The following CHPF variants were observed in gnomAD, a reference collection of about 807,000 sequenced individuals.
The protein encoded by CHPF is chondroitin polymerizing factor.
A neutral mutation model predicts 55.1 loss-of-function variants in CHPF; 34 were observed. The ratio of observed to expected loss-of-function variants is 0.62; its 90% CI spans 0.47 to 0.82. The LOEUF (loss-of-function observed/expected upper bound fraction) is 0.82, where lower values mean the gene tolerates loss of function less well. Ranked by LOEUF, CHPF falls within the 40% of genes least tolerant of loss-of-function variation. The pLI is 0.00. For missense variants in CHPF, 961 were observed against 1,106.1 expected, an observed-to-expected ratio of 0.87 and a Z score of 1.86; for synonymous variants, 489 against 496.6, an observed-to-expected ratio of 0.98 and a Z score of 0.20.
intron 2 of CHPF, 112 bp downstream of exon 2, chr2:219,541,504 T>C: frequency 2.3e-6 from 2 of 851,428 alleles, no homozygotes; most frequent in Non-Finnish European, 3.5e-6. Context: ...AGATAGAAAA[T>C]AAATGTCCGA....
At chr2:219,543,101 G>C in intron 1 of CHPF, 124 bp downstream of exon 1, 1 of 1,361,832 alleles carries the variant, frequency 7.3e-7, no homozygotes, top group Non-Finnish European at 9.4e-7. Context: ...GGAAGTTATC[G>C]GGGCCCAAAG....
chr2:219,541,125 CCT>C lies in CHPF; in HGVS notation c.889-2_889-1del. ...AGCTCCAGATGGCTATAGTGCACCC[CCT>C]GGGGAGAGGAAGGGAAGGGATCTGT... On this transcript the variant is annotated splice_acceptor_variant, in intron 2 of 3. Transcript: ENST00000243776. LOFTEE classifies it high-confidence loss of function. 6.3e-7 allele frequency: 1 copy of C among 1,583,650 alleles called. No homozygotes were observed. Among genetic ancestry groups the C allele is most frequent in the Non-Finnish European group, 8.6e-7 (1 of 1,167,290 alleles).
At position 219,542,030 on chromosome 2, in the gene CHPF, C is replaced by T; in HGVS notation, c.474G>A (p.Arg158=). The change falls in exon 2 of 4, where the codon CGG becomes CGA. Residue 158 remains arginine (R), a synonymous_variant. Transcript: ENST00000243776. ...TCACCACTGCCATGCCAGGTGGGGCCCGGCGGCCCCGTGCGCCCGTCAGGA... is the reference window on the plus strand; with the variant it reads ...TCACCACTGCCATGCCAGGTGGGGCTCGGCGGCCCCGTGCGCCCGTCAGGA... ...VVFLTGARGR[R]APPGMAVVTL... is the part of the protein sequence containing the mutation. 1.3e-6 allele frequency: 2 copies of T among 1,591,694 alleles called. No individual in the cohort carries two copies. The highest frequency in any genetic ancestry group is 2.2e-5 in the South Asian group (2 of 89,010).
At position 219,543,649 on chromosome 2, in the gene CHPF, G is replaced by A; in HGVS notation, c.-111C>T. 1 of 826,038 alleles carries A rather than the reference G, an allele frequency of 1.2e-6. No individual in the cohort carries two copies. Among genetic ancestry groups the A allele is most frequent in the Non-Finnish European group, 1.7e-6 (1 of 602,786 alleles). 51.2% of individuals were successfully genotyped at this position (826,038 alleles called of 1,614,324 possible). ...GGATCCGGAGGGCTCGGGCCCCGCGGGCGGGCCCGCTCCCTCCCCGCAGAG... is the reference window on the plus strand; with the variant it reads ...GGATCCGGAGGGCTCGGGCCCCGCGAGCGGGCCCGCTCCCTCCCCGCAGAG... On this transcript the variant is annotated 5_prime_UTR_variant, in exon 1 of 4. Coordinates refer to ENST00000243776, the MANE Select transcript of CHPF (RefSeq NM_024536.6).
Position 219,543,746 on chromosome 2 carries a change from G to A in CHPF, c.-208C>T, listed in dbSNP as rs1695329396. The A allele has an allele frequency of 2.2e-6, 1 of 453,142 alleles. No individual in the cohort carries two copies. The highest frequency in any genetic ancestry group is 4.1e-5 in the Admixed American group (1 of 24,614). 28.1% of individuals were successfully genotyped at this position (453,142 alleles called of 1,614,324 possible). ...CCCTCCAGCAGCTGCTCTGGGCTGC[G>A]CAGGGTTCTTGCGCTCGGCACTGGA... On this transcript the variant is annotated 5_prime_UTR_variant, in exon 1 of 4. Transcript: ENST00000243776.
chr2:219,542,313 G>A (rs1055545116), intron 1 of CHPF, 124 bp from the exon 2 acceptor site: 5 of 718,270 alleles, frequency 7.0e-6, no homozygotes, highest in African/African-American at 1.8e-5. Flanking sequence ...CTATGAATAG[G>A]TTAAAAATAA....
chr2:219,541,402 T>A, intron 2 of CHPF: 1 of 556,150 alleles, frequency 1.8e-6, no homozygotes, highest in Non-Finnish European at 3.1e-6. Flanking sequence ...TTTTTTCTAA[T>A]CCTTGTAACA....
intron 1 of CHPF, among the ~76,000 whole-genome samples, chr2:219,542,685 T>C (rs1695302610): frequency 6.6e-6 from 1 of 152,208 alleles, no homozygotes; most frequent in African/African-American, 2.4e-5. Context: ...ACTCAGGGGC[T>C]CTAGGAACTT....
At position 219,542,151 on chromosome 2, in the gene CHPF, C is replaced by G. The variant is rs1270980418; in HGVS notation, c.353G>C (p.Arg118Thr). 1 of 1,547,282 alleles carries G rather than the reference C, an allele frequency of 6.5e-7. No homozygotes were observed. The highest frequency in any genetic ancestry group is 1.9e-5 in the Admixed American group (1 of 53,020). ...YISTELGIRQ[R>T]LLVAVLTSQT... ...AGAGGTCAGCACCGCCACCAGCAGC[C>G]TCTGCCTGATGCCCAGCTCCGTGCT... The change falls in exon 2 of 4, where the codon AGG becomes ACG. Residue 118 changes from arginine to threonine, a missense_variant. Arg to Thr is a moderately conservative substitution (Grantham distance 71). Coordinates refer to ENST00000243776, the MANE Select transcript of CHPF (RefSeq NM_024536.6).
chr2:219,539,633 GCCGCCAGGCGC>G lies in CHPF; in HGVS notation c.2067_2077del (p.Arg690SerfsTer49). The G allele has an allele frequency of 1.2e-6, 2 of 1,613,568 alleles. No individual in the cohort carries two copies. The highest frequency in any genetic ancestry group is 2.2e-5 in the East Asian group (1 of 44,868). On this transcript the variant is annotated frameshift_variant, in exon 4 of 4. Transcript: ENST00000243776. LOFTEE classifies it high-confidence loss of function. ...CAGCTCCTCTTCTTGTTCTGAGGCT[GCCGCCAGGCGC>G]CCACGGGCTGCCACATAGTCGGAGT... is the stretch of plus-strand genomic sequence containing the variant.
intron 1 of CHPF, 33 bp downstream of exon 1, chr2:219,543,192 C>A (rs1316485021): frequency 1.4e-6 from 2 of 1,442,748 alleles, no homozygotes; most frequent in Non-Finnish European, 1.8e-6. Context: ...CGGCCGCTGC[C>A]CAGGGGGTAG....
chr2:219,541,798 C>T lies in CHPF; in HGVS notation c.706G>A (p.Glu236Lys). The change falls in exon 2 of 4, where the codon GAG becomes AAG. Residue 236 changes from glutamate to lysine, a missense_variant. Physicochemically the swap from Glu to Lys is moderately conservative, Grantham distance 56. Transcript: ENST00000243776. Reference sequence around the variant, plus strand: ...TGGCAGTAGCGGCCGGGGGTGGGCTCTCCGCCGATGAAGTCCTGGGGCCGG... The same window carrying T: ...TGGCAGTAGCGGCCGGGGGTGGGCTTTCCGCCGATGAAGTCCTGGGGCCGG... ...LGRPQDFIGG[E>K]PTPGRYCHGG... The T allele has an allele frequency of 6.2e-7, 1 of 1,606,444 alleles. No individual in the cohort carries two copies. Among genetic ancestry groups the T allele is most frequent in the Non-Finnish European group, 8.5e-7 (1 of 1,176,164 alleles).
intron 1 of CHPF, chr2:219,542,922 A>G (rs1695308379): frequency 4.1e-6 from 5 of 1,214,682 alleles, no homozygotes; most frequent in Non-Finnish European, 4.1e-6. Flanking sequence ...CCCTATATAT[A>G]AGTCATTTCT....
In CHPF at chr2:219,541,948, C is replaced by T; in HGVS notation, c.556G>A (p.Glu186Lys). Residue 186 changes from glutamate to lysine, a missense_variant, in exon 2 of 4, where the codon GAG (glutamate) becomes AAG (lysine). Glu to Lys is a moderately conservative substitution (Grantham distance 56). Coordinates refer to ENST00000243776, the MANE Select transcript of CHPF (RefSeq NM_024536.6). ...CAGTCAAAGTCGTCGCCGTGCTGCT[C>T]CAGCAGGTGGCGCAGCGCCAGGTGC... is the stretch of plus-strand genomic sequence containing the variant. The part of the protein sequence containing the change: ...HLHLALRHLL[E>K]QHGDDFDWFF... 1.1e-5 allele frequency: 17 copies of T among 1,613,074 alleles called. No homozygotes were observed. The highest frequency in any genetic ancestry group is 1.4e-5 in the Non-Finnish European group (16 of 1,179,640).
rs370676153 is a variant in CHPF, at chr2:219,539,894, G to A, written c.1817C>T (p.Pro606Leu). ...GGCCAGCAGGAACAGTGTGTCCAGC[G>A]GGTGCTTCTTGGAGAGTAGATCCAT... ...RLMDLLSKKH[P>L]LDTLFLLAGP... is the part of the protein sequence containing the mutation. Residue 606 changes from proline to leucine, a missense_variant, in exon 4 of 4, where the codon CCG (proline) becomes CTG (leucine). By Grantham distance (98) the Pro-to-Leu change is moderately conservative (BLOSUM62 -3). Around this residue, in one of 3 missense-constraint regions of CHPF, gnomAD observed 936 missense variants for 1,058.4 expected, o/e 0.88. Coordinates refer to ENST00000243776, the MANE Select transcript of CHPF (RefSeq NM_024536.6). 51 of 1,613,688 alleles carry A rather than the reference G, an allele frequency of 3.2e-5. No individual in the cohort carries two copies. Among genetic ancestry groups the A allele is most frequent in the Middle Eastern group, 1.7e-4 (1 of 6,060 alleles).
At position 219,542,075 on chromosome 2, in the gene CHPF, G is replaced by A; in HGVS notation, c.429C>T (p.His143=). The part of the protein sequence containing the change: ...LGVAVNRTLG[H]RLERVVFLTG... ...TCAGGAACACCACACGCTCCAGCCG[G>A]TGCCCCAGCGTGCGGTTCACGGCCA... The change falls in exon 2 of 4, where the codon CAC becomes CAT. Residue 143 remains histidine, a synonymous_variant. Transcript: ENST00000243776. 1 of 1,571,856 alleles carries A rather than the reference G, an allele frequency of 6.4e-7. No homozygotes were observed. Among genetic ancestry groups the A allele is most frequent in the Non-Finnish European group, 8.6e-7 (1 of 1,164,448 alleles).
In CHPF at chr2:219,540,209, T is replaced by G; in HGVS notation, c.1502A>C (p.Tyr501Ser). Residue 501 changes from tyrosine (Y) to serine (S), a missense_variant, in exon 4 of 4, where the codon TAT becomes TCT. Coordinates refer to ENST00000243776, the MANE Select transcript of CHPF (RefSeq NM_024536.6). ...AGTGAGACGTGAGGCCTCAGTGACA[T>G]AGGGCACAGGCAAGATCTCCACGCG... ...LSRVEILPVP[Y>S]VTEASRLTVL... The G allele has an allele frequency of 6.2e-7, 1 of 1,613,174 alleles. No homozygotes were observed. The highest frequency in any genetic ancestry group is 8.5e-7 in the Non-Finnish European group (1 of 1,179,666).
In CHPF at chr2:219,543,597, C is replaced by T. The variant is rs1695325206; in HGVS notation, c.-59G>A. On this transcript the variant is annotated 5_prime_UTR_variant, in exon 1 of 4. Transcript: ENST00000243776. ...ACCCCCAGAGCAGCCAGAGGAGTCT[C>T]CGAGGGGGCGGGACCGGGGAGGGGG... The T allele has an allele frequency of 7.9e-7, 1 of 1,257,994 alleles. No individual in the cohort carries two copies. The highest frequency in any genetic ancestry group is 1.0e-6 in the Non-Finnish European group (1 of 989,320). 77.9% of individuals were successfully genotyped at this position (1,257,994 alleles called of 1,614,324 possible). A position where few individuals can be genotyped will look rare whatever the true frequency, so the allele number is the denominator to read the frequency against.
Position 219,541,639 on chromosome 2 carries a change from C to G in CHPF, c.865G>C (p.Val289Leu). 6.3e-7 allele frequency: 1 copy of G among 1,588,758 alleles called. No individual in the cohort carries two copies. The highest frequency in any genetic ancestry group is 8.6e-7 in the Non-Finnish European group (1 of 1,164,378). ...LGRCILDATG[V>L]GCTGDHEGVH... ...ACCTCGTGGTCACCAGTGCAGCCCA[C>G]CCCGGTGGCATCGAGAATGCAGCGA... Residue 289 changes from valine to leucine, a missense_variant, in exon 2 of 4, where the codon GTG (valine) becomes CTG (leucine). Around this residue, in one of 3 missense-constraint regions of CHPF, gnomAD observed 936 missense variants for 1,058.4 expected, o/e 0.88. Transcript: ENST00000243776.
Sources: gnomAD v4.1 joint callset for allele counts (sites outside exome capture counted in the v4.1 genomes callset) on GRCh38, gnomAD v4.1.1 for gene constraint, gnomAD v4.1.1 regional missense constraint, MANE v1.5 for transcripts, NCBI Gene and HGNC (gene_info 2026-07-23, HGNC 2026-07-21) for gene names.